Variants in SGMS1 observed in about 807,000 individuals in gnomAD.
The protein encoded by SGMS1 is phosphatidylcholine:ceramide cholinephosphotransferase 1.
Under a neutral mutation model 46.2 loss-of-function variants are expected in SGMS1, and 13 were observed. The ratio of observed to expected loss-of-function variants is 0.28; its 90% CI spans 0.18 to 0.45. The LOEUF (loss-of-function observed/expected upper bound fraction) is 0.45, where lower values mean the gene tolerates loss of function less well. Ranked by LOEUF, SGMS1 falls within the 20% of genes least tolerant of loss-of-function variation. The pLI, the probability that SGMS1 is intolerant of heterozygous loss-of-function variation, is 1.00. For synonymous variants in SGMS1, 203 were observed against 187.8 expected (o/e 1.08, Z -0.66); for missense variants, 324 against 519.9 (o/e 0.62, Z 3.66).
intron 6 of SGMS1, among the ~76,000 whole-genome samples, chr10:50,420,788 TTG>T (rs1377407196): frequency 6.6e-6 from 1 of 152,080 alleles, no homozygotes; most frequent in East Asian, 1.9e-4. Context: ...ACAATTGTGT[TTG>T]TGTGTGTGTG....
intron 6 of SGMS1, among the ~76,000 whole-genome samples, chr10:50,430,756 C>T (rs1418151279): frequency 6.6e-6 from 1 of 152,034 alleles, no homozygotes; most frequent in Non-Finnish European, 1.5e-5. Flanking sequence ...TTTTATAATA[C>T]CTACCACATT....
intron 6 of SGMS1, among the ~76,000 whole-genome samples, chr10:50,420,951 C>CATAA (rs1430472350): frequency 5.3e-5 from 8 of 152,146 alleles, no homozygotes; most frequent in Admixed American, 2.0e-4. Flanking sequence ...AGGAAGGCTT[C>CATAA]ATAAATATGT....
intron 3 of SGMS1, among the ~76,000 whole-genome samples, chr10:50,477,878 C>T (rs905933435): frequency 6.6e-6 from 1 of 152,178 alleles, no homozygotes; most frequent in Admixed American, 6.5e-5. Flanking sequence ...GAAGCCTGTA[C>T]ATCCAACAAA....
chr10:50,396,497 G>A (rs368017763), intron 6 of SGMS1, among the ~76,000 whole-genome samples: 16 of 152,204 alleles, frequency 1.1e-4, no homozygotes, highest in African/African-American at 2.7e-4. Flanking sequence ...TGGAACTAGA[G>A]AGAGGAAGGA....
At chr10:50,545,718 T>A (rs1838095520) in intron 2 of SGMS1, among the ~76,000 whole-genome samples, 1 of 152,180 alleles carries the variant, frequency 6.6e-6, no homozygotes, top group South Asian at 2.1e-4. Context: ...ATTACAGACG[T>A]GAGCCATGAT....
At chr10:50,570,134 C>T (rs532918868) in intron 2 of SGMS1, among the ~76,000 whole-genome samples, 83 of 152,292 alleles carry the variant, frequency 5.5e-4, no homozygotes, top group African/African-American at 1.8e-3. Context: ...TCTTATTCCC[C>T]GAGCAAAATG....
At chr10:50,579,710 T>C (rs1046006452) in intron 2 of SGMS1, among the ~76,000 whole-genome samples, 2 of 152,178 alleles carry the variant, frequency 1.3e-5, no homozygotes, top group African/African-American at 4.8e-5. Context: ...TTACCTCCCA[T>C]ATGAAATTTT....
chr10:50,484,451 G>T (rs1343866723), intron 3 of SGMS1, among the ~76,000 whole-genome samples: 2 of 152,156 alleles, frequency 1.3e-5, no homozygotes, highest in Non-Finnish European at 2.9e-5. Flanking sequence ...ATTCACAGCT[G>T]AATCCTACCA....
chr10:50,615,120 C>G (rs568454732), intron 1 of SGMS1, among the ~76,000 whole-genome samples: 2 of 152,332 alleles, frequency 1.3e-5, no homozygotes, highest in South Asian at 4.1e-4. Context: ...CCAGGAATGA[C>G]AGAGAATGCA....
intron 3 of SGMS1, among the ~76,000 whole-genome samples, chr10:50,511,901 G>GTC (rs1318727889): frequency 6.6e-6 from 1 of 152,068 alleles, no homozygotes; most frequent in Non-Finnish European, 1.5e-5. Context: ...TTTGTCCCAT[G>GTC]TCTCTCTCTC....
intron 1 of SGMS1, among the ~76,000 whole-genome samples, chr10:50,618,597 C>T (rs1838819656): frequency 6.6e-6 from 1 of 152,124 alleles, no homozygotes; most frequent in African/African-American, 2.4e-5. Flanking sequence ...TTTACAGCCA[C>T]CAAACATTGG....
At chr10:50,393,135 C>T (rs1270165592) in intron 6 of SGMS1, among the ~76,000 whole-genome samples, 2 of 152,086 alleles carry the variant, frequency 1.3e-5, no homozygotes, top group African/African-American at 4.8e-5. Context: ...CTCACACATA[C>T]ACCAACATTT....
chr10:50,322,850 A>T (rs1376133165), intron 8 of SGMS1, among the ~76,000 whole-genome samples: 1 of 151,144 alleles, frequency 6.6e-6, no homozygotes, highest in Non-Finnish European at 1.5e-5. Flanking sequence ...AAAAAAAAAA[A>T]AAAAAAAAAA....
intron 1 of SGMS1, among the ~76,000 whole-genome samples, chr10:50,596,135 G>A (rs1838589546): frequency 6.6e-6 from 1 of 151,290 alleles, no homozygotes; most frequent in African/African-American, 2.4e-5. Flanking sequence ...ATTCAAGATG[G>A]ATGATTCAAT....
chr10:50,548,036 C>T (rs1425431602), intron 2 of SGMS1, among the ~76,000 whole-genome samples: 2 of 152,044 alleles, frequency 1.3e-5, no homozygotes, highest in African/African-American at 2.4e-5. Flanking sequence ...ACTAAAGGAA[C>T]ATACCTCAAA....
rs116910690 is a variant in SGMS1 at position 50,506,193 on chromosome 10, C to T, written c.-498+13638G>A. Among the ~76,000 whole-genome samples the T allele has an allele frequency of 6.6e-3, 1,007 of 152,304 alleles. 7 individuals are homozygous for T. The highest frequency in any genetic ancestry group is 0.012 in the Non-Finnish European group (788 of 68,028). On this transcript the variant is annotated intron_variant, in intron 3 of 10. Transcript: ENST00000361781. ...TTACACACTTATTAAACTTACTACA[C>T]TCTGTACTTCTCCCAGCACTAGTCA...
chr10:50,368,423 CT>C (rs1848384227), intron 6 of SGMS1, among the ~76,000 whole-genome samples: 2 of 152,194 alleles, frequency 1.3e-5, no homozygotes, highest in Non-Finnish European at 2.9e-5. Flanking sequence ...ATGGTGCGAT[CT>C]TGGCTTACTG....
intron 1 of SGMS1, among the ~76,000 whole-genome samples, chr10:50,606,652 C>T (rs1351323767): frequency 6.6e-6 from 1 of 152,230 alleles, no homozygotes; most frequent in Admixed American, 6.5e-5. Context: ...CAGTCTCAGT[C>T]TGGAAAGCTA....
At chr10:50,407,260 G>A (rs1849028187) in intron 6 of SGMS1, among the ~76,000 whole-genome samples, 1 of 152,144 alleles carries the variant, frequency 6.6e-6, no homozygotes, top group Non-Finnish European at 1.5e-5. Flanking sequence ...TAAAAATCTA[G>A]GTGAAGAAGT....
Sources: gnomAD v4.1 joint callset for allele counts (sites outside exome capture counted in the v4.1 genomes callset) on GRCh38, gnomAD v4.1.1 for gene constraint, MANE v1.5 for transcripts, NCBI Gene and HGNC (gene_info 2026-07-23, HGNC 2026-07-21) for gene names.